COL23A1: variants seen among roughly 807,000 people sequenced by gnomAD.
The protein encoded by COL23A1 is collagen alpha-1(XXIII) chain.
COL23A1 carries 97 observed loss-of-function variants against 99.3 expected under a neutral mutation model. The observed-to-expected ratio is 0.98, with a 90% CI of 0.83 to 1.16. The LOEUF (loss-of-function observed/expected upper bound fraction) is 1.16, where lower values mean the gene tolerates loss of function less well. Among genes scored for constraint, COL23A1 ranks in the 50% most tolerant of loss-of-function variants. The pLI is 0.00. For missense variants in COL23A1, 762 were observed against 757.4 expected (o/e 1.01, Z -0.07); for synonymous variants, 320 against 308.2 (o/e 1.04, Z -0.40).
chr5:178,295,158 C>A (rs1757676463), intron 3 of COL23A1, among the ~76,000 whole-genome samples: 1 of 152,196 alleles, frequency 6.6e-6, no homozygotes, highest in African/African-American at 2.4e-5. Context: ...GCACCCCGGC[C>A]TCGGTGACAG....
chr5:178,290,302 C>G lies in COL23A1; in HGVS notation c.414+60G>C, dbSNP rs190800337. 1.3e-4 allele frequency: 203 copies of G among 1,612,518 alleles called. 2 individuals are homozygous for G. The East Asian group carries it at 2.4e-3, about 19-fold the overall frequency. The stretch of plus-strand genomic sequence containing the variant: ...CAAAATTATGTTCATGGAATTGCAA[C>G]AGAGAGAGAACCAAACATCTTATCT... On this transcript the variant is annotated intron_variant, in intron 4 of 28. Transcript: ENST00000390654.
intron 2 of COL23A1, among the ~76,000 whole-genome samples, chr5:178,487,770 C>T (rs571794741): frequency 1.3e-4 from 20 of 152,330 alleles, no homozygotes; most frequent in Admixed American, 1.1e-3. Flanking sequence ...ATGATAACTA[C>T]ATACCCAGTT....
chr5:178,455,333 G>C (rs947776560), intron 2 of COL23A1, among the ~76,000 whole-genome samples: 3 of 152,134 alleles, frequency 2.0e-5, no homozygotes, highest in African/African-American at 7.2e-5. Flanking sequence ...GTGACAGCTG[G>C]GGGCCAGGCC....
Position 178,300,731 on chromosome 5 carries a change from A to ATTTT in COL23A1, c.406+6143_406+6144insAAAA, listed in dbSNP as rs774880764. 7.6e-3 allele frequency among the ~76,000 whole-genome samples: 1,142 copies of ATTTT among 150,436 alleles called. 17 individuals are homozygous for ATTTT. Among genetic ancestry groups the ATTTT allele is most frequent in the African/African-American group, 0.026 (1,037 of 40,636 alleles). ...GCCTGGCTAGCTTTTGTATTTATTTATTTATTTTTTTTAGTAGAGATGGGA... is the reference window on the plus strand; with the variant it reads ...GCCTGGCTAGCTTTTGTATTTATTTATTTTTTTATTTTTTTTAGTAGAGATGGGA... On this transcript the variant is annotated intron_variant, in intron 3 of 28. Transcript: ENST00000390654.
intron 19 of COL23A1, among the ~76,000 whole-genome samples, chr5:178,248,776 A>G (rs2127534763): frequency 6.6e-6 from 1 of 152,328 alleles, no homozygotes; most frequent in South Asian, 2.1e-4. Context: ...TTGCTCGCCC[A>G]GGGTTCCAGA....
chr5:178,506,666 G>A (rs924505263), intron 2 of COL23A1, among the ~76,000 whole-genome samples: 4 of 152,114 alleles, frequency 2.6e-5, no homozygotes, highest in Non-Finnish European at 4.4e-5. Flanking sequence ...CACTAATGAC[G>A]ACAAGATTTT....
chr5:178,430,305 G>A (rs1301193832), intron 2 of COL23A1, among the ~76,000 whole-genome samples: 1 of 152,118 alleles, frequency 6.6e-6, no homozygotes, highest in Non-Finnish European at 1.5e-5. Context: ...AGGTTCCTGG[G>A]TCTCTGCCCA....
In COL23A1 at chr5:178,562,737, G is replaced by GGTGGTGGGA. The variant is rs1491382970; in HGVS notation, c.295-1990_295-1989insTCCCACCAC. ...CAGGTTGCTGCCGCTGGCTGGTGGT[G>GGTGGTGGGA]GGGGGGGTGCGGGCTTTTATTCCGT... On this transcript the variant is annotated intron_variant, in intron 1 of 28. Transcript: ENST00000390654. 7 of 111,780 alleles carry GGTGGTGGGA rather than the reference G, an allele frequency of 6.3e-5. 1 individual carries two copies. The highest frequency in any genetic ancestry group is 3.0e-4 in the African/African-American group (7 of 23,268). The allele number at this position is 111,780 out of a possible 1,614,324, so 6.9% of individuals were successfully genotyped here.
chr5:178,422,521 G>T (rs1438754486), intron 2 of COL23A1, among the ~76,000 whole-genome samples: 2 of 152,142 alleles, frequency 1.3e-5, no homozygotes, highest in African/African-American at 4.8e-5. Context: ...CGTGCCCAAA[G>T]GTGGCCCATT....
intron 6 of COL23A1, among the ~76,000 whole-genome samples, chr5:178,269,403 CCAA>C (rs1756116023): frequency 8.8e-6 from 1 of 114,110 alleles, no homozygotes; most frequent in Non-Finnish European, 2.0e-5. Context: ...ACCCATCCAT[CCAA>C]CCATCCATCC....
intron 11 of COL23A1, among the ~76,000 whole-genome samples, chr5:178,260,625 T>C (rs1372098498): frequency 6.6e-6 from 1 of 152,146 alleles, no homozygotes; most frequent in Admixed American, 6.6e-5. Context: ...TGAAACCCCA[T>C]CTCTACTAAA....
intron 2 of COL23A1, among the ~76,000 whole-genome samples, chr5:178,320,494 C>T (rs1759233985): frequency 6.6e-6 from 1 of 152,218 alleles, no homozygotes; most frequent in Non-Finnish European, 1.5e-5. Flanking sequence ...GGCCCCTCAG[C>T]TGCCCAGCTC....
chr5:178,496,859 G>A (rs1158367228), intron 2 of COL23A1, among the ~76,000 whole-genome samples: 1 of 152,196 alleles, frequency 6.6e-6, no homozygotes, highest in Non-Finnish European at 1.5e-5. Flanking sequence ...ACTCAATTCT[G>A]AAAGAAATTT....
intron 2 of COL23A1, among the ~76,000 whole-genome samples, chr5:178,408,780 C>A (rs1764888752): frequency 6.6e-6 from 1 of 151,802 alleles, no homozygotes; most frequent in South Asian, 2.1e-4. Context: ...CATGGAGAAA[C>A]CCCGTCTCTA....
At chr5:178,476,902 A>C (rs927984316) in intron 2 of COL23A1, among the ~76,000 whole-genome samples, 17 of 152,246 alleles carry the variant, frequency 1.1e-4, no homozygotes, top group Non-Finnish European at 2.2e-4. Flanking sequence ...TACTTCTCTG[A>C]GATTCCAAAT....
Position 178,560,643 on chromosome 5 carries a change from C to T in COL23A1, c.361+39G>A, listed in dbSNP as rs370640971. Reference sequence around the variant, plus strand: ...TCAGCAATCCCAAGCAAACGGCGGCCGAACGCAGGAGCCAGAAGGGAGCTC... The same window carrying T: ...TCAGCAATCCCAAGCAAACGGCGGCTGAACGCAGGAGCCAGAAGGGAGCTC... On this transcript the variant is annotated intron_variant, in intron 2 of 28. Transcript: ENST00000390654. 33 of 1,586,108 alleles carry T rather than the reference C, an allele frequency of 2.1e-5. No individual in the cohort carries two copies. In the South Asian group the frequency reaches 2.6e-4, roughly 13 times the overall value.
chr5:178,273,575 G>A (rs1032027590), intron 5 of COL23A1, among the ~76,000 whole-genome samples: 1 of 152,248 alleles, frequency 6.6e-6, no homozygotes, highest in African/African-American at 2.4e-5. Context: ...ACCAAGGGCT[G>A]AAGGGAAGTC....
At chr5:178,487,464 C>T (rs749051664) in intron 2 of COL23A1, among the ~76,000 whole-genome samples, 9 of 152,008 alleles carry the variant, frequency 5.9e-5, no homozygotes, top group Admixed American at 1.3e-4. Context: ...AGATTACAGG[C>T]GTGCAACCAC....
intron 2 of COL23A1, among the ~76,000 whole-genome samples, chr5:178,446,030 G>C (rs1462130227): frequency 7.9e-5 from 12 of 151,850 alleles, no homozygotes; most frequent in Admixed American, 7.9e-4. Context: ...TAAAAAGTCT[G>C]CCACCTCTTT....
Sources: gnomAD v4.1 joint callset for allele counts (sites outside exome capture counted in the v4.1 genomes callset) on GRCh38, gnomAD v4.1.1 for gene constraint, MANE v1.5 for transcripts, NCBI Gene and HGNC (gene_info 2026-07-23, HGNC 2026-07-21) for gene names.